Variants in MTDH observed in about 807,000 individuals in gnomAD.
MTDH encodes the protein protein LYRIC.
MTDH carries 34 observed loss-of-function variants against 72.7 expected under a neutral mutation model. The observed-to-expected ratio is 0.47, with a 90% CI of 0.36 to 0.62. The LOEUF (loss-of-function observed/expected upper bound fraction) is 0.62, where lower values mean the gene tolerates loss of function less well. Ranked by LOEUF, MTDH falls within the 20% of genes least tolerant of loss-of-function variation. MTDH has a pLI of 0.00. For synonymous variants in MTDH, 266 were observed against 268.9 expected, an observed-to-expected ratio of 0.99 and a Z score of 0.10; for missense variants, 677 against 699.4, an observed-to-expected ratio of 0.97 and a Z score of 0.36.
chr8:97,697,043 T>G (rs1441490591), intron 6 of MTDH, among the ~76,000 whole-genome samples: 1 of 146,836 alleles, frequency 6.8e-6, no homozygotes, highest in Non-Finnish European at 1.5e-5. Context: ...TCCAGGAGGT[T>G]GAAGCTACAA....
At chr8:97,683,616 A>G (rs1000197953) in intron 2 of MTDH, among the ~76,000 whole-genome samples, 10 of 148,804 alleles carry the variant, frequency 6.7e-5, no homozygotes, top group African/African-American at 2.5e-4. Flanking sequence ...CTGGTCTCAT[A>G]CTCCTGAGCT....
intron 7 of MTDH, among the ~76,000 whole-genome samples, chr8:97,701,167 A>G (rs766373778): frequency 1.3e-5 from 2 of 152,154 alleles, no homozygotes; most frequent in Non-Finnish European, 2.9e-5. Context: ...TGAGGCTTTA[A>G]TGAGATAATG....
intron 1 of MTDH, among the ~76,000 whole-genome samples, chr8:97,653,117 CA>C (rs1563520550): frequency 8.7e-6 from 1 of 114,660 alleles, no homozygotes; most frequent in Non-Finnish European, 1.8e-5. Flanking sequence ...GACTCTGTCT[CA>C]AAAAAAGAAA....
chr8:97,716,090 T>C (rs2131073383), intron 9 of MTDH, among the ~76,000 whole-genome samples: 1 of 152,308 alleles, frequency 6.6e-6, no homozygotes. Context: ...ATATATCCTA[T>C]TAATAAAAGG....
chr8:97,655,855 G>C (rs1314329955), intron 1 of MTDH, among the ~76,000 whole-genome samples: 1 of 152,200 alleles, frequency 6.6e-6, no homozygotes, highest in Non-Finnish European at 1.5e-5. Flanking sequence ...GCTTTCACAT[G>C]CTCTGTCACT....
At chr8:97,690,875 A>C in intron 5 of MTDH, 77 bp from the exon 6 acceptor site, 1 of 999,370 alleles carries the variant, frequency 1.0e-6, no homozygotes, top group Non-Finnish European at 1.5e-6. Flanking sequence ...AAGTCAAGCA[A>C]TCATAGAAAT....
chr8:97,674,381 ACACT>A (rs1445218687), intron 2 of MTDH, among the ~76,000 whole-genome samples: 1 of 152,250 alleles, frequency 6.6e-6, no homozygotes, highest in African/African-American at 2.4e-5. Flanking sequence ...GACAGTTTTC[ACACT>A]CTCATCCTGA....
intron 7 of MTDH, among the ~76,000 whole-genome samples, chr8:97,704,837 A>G (rs193039782): frequency 2.0e-5 from 3 of 152,312 alleles, no homozygotes; most frequent in African/African-American, 4.8e-5. Context: ...GTTCACCTGG[A>G]AAAATAAGAC....
intron 2 of MTDH, among the ~76,000 whole-genome samples, chr8:97,667,523 T>C (rs1397037359): frequency 3.3e-5 from 5 of 152,216 alleles, no homozygotes; most frequent in African/African-American, 1.2e-4. Context: ...TAGCCACTTA[T>C]TCATATTACT....
intron 2 of MTDH, among the ~76,000 whole-genome samples, chr8:97,677,894 A>G (rs970277352): frequency 1.6e-4 from 25 of 152,310 alleles, no homozygotes; most frequent in East Asian, 1.3e-3. Context: ...AGGGTTTCTT[A>G]TTTAAATAGA....
Position 97,691,030 on chromosome 8 carries a change from T to A in MTDH, c.890T>A (p.Ile297Asn), listed in dbSNP as rs1026951826. ...AAGTCTGTAAAACTCTCCTCACAGA[T>A]CAGTGCAGGTGAGGAGAAGTGGAAC... is the stretch of plus-strand genomic sequence containing the variant. ...NEKSVKLSSQ[I>N]SAGEEKWNSV... The change falls in exon 6 of 12, where the codon ATC (isoleucine) becomes AAC (asparagine). Residue 297 changes from isoleucine to asparagine, a missense_variant. This residue lies in a region of MTDH where 467 missense variants were observed against 469.1 expected (regional missense o/e 1.00). Transcript: ENST00000336273. 1.9e-6 allele frequency: 3 copies of A among 1,613,988 alleles called. No individual in the cohort carries two copies. In the African/African-American group the frequency reaches 4.0e-5, roughly 22 times the overall value.
intron 2 of MTDH, among the ~76,000 whole-genome samples, chr8:97,670,242 G>A (rs940276361): frequency 1.3e-4 from 20 of 152,304 alleles, no homozygotes; most frequent in Middle Eastern, 3.4e-3. Flanking sequence ...CTTGAACTCC[G>A]GAGGCGGAGC....
intron 11 of MTDH, 74 bp downstream of exon 11, chr8:97,723,109 C>G: frequency 6.7e-7 from 1 of 1,485,012 alleles, no homozygotes; most frequent in Non-Finnish European, 9.1e-7. Context: ...TCTTAAAAGT[C>G]TAATGGAGGC....
intron 9 of MTDH, among the ~76,000 whole-genome samples, chr8:97,714,286 A>G (rs1814761872): frequency 6.6e-6 from 1 of 152,134 alleles, no homozygotes; most frequent in Non-Finnish European, 1.5e-5. Context: ...GTCTGGGGGA[A>G]AAAAAGTAAA....
At chr8:97,670,952 G>GTTTTTTTT (rs1160758851) in intron 2 of MTDH, among the ~76,000 whole-genome samples, 16 of 77,992 alleles carry the variant, frequency 2.1e-4, no homozygotes, top group Non-Finnish European at 2.3e-4. Flanking sequence ...TGTTGTTGTT[G>GTTTTTTTT]TTTTTTTTTT....
intron 8 of MTDH, among the ~76,000 whole-genome samples, chr8:97,710,272 C>T (rs747205120): frequency 6.6e-6 from 1 of 152,082 alleles, no homozygotes; most frequent in African/African-American, 2.4e-5. Context: ...AGAGAAATAG[C>T]GGTTACTAGA....
At chr8:97,710,870 C>T (rs1335988411) in intron 8 of MTDH, among the ~76,000 whole-genome samples, 1 of 151,626 alleles carries the variant, frequency 6.6e-6, no homozygotes, top group African/African-American at 2.4e-5. Flanking sequence ...CATGGTGGTG[C>T]ACACCTATAA....
chr8:97,669,435 A>T (rs377104261), intron 2 of MTDH, among the ~76,000 whole-genome samples: 5 of 152,102 alleles, frequency 3.3e-5, no homozygotes, highest in African/African-American at 1.2e-4. Flanking sequence ...GGCATGAGCC[A>T]CTGCGCCTGG....
At chr8:97,675,944 T>C (rs61143610) in intron 2 of MTDH, among the ~76,000 whole-genome samples, 2 of 103,778 alleles carry the variant, frequency 1.9e-5, no homozygotes, top group South Asian at 3.5e-4. Context: ...AATAGGTTTT[T>C]TTTTTTTTTT....
Sources: gnomAD v4.1 joint callset for allele counts (sites outside exome capture counted in the v4.1 genomes callset) on GRCh38, gnomAD v4.1.1 for gene constraint, gnomAD v4.1.1 regional missense constraint, MANE v1.5 for transcripts, NCBI Gene and HGNC (gene_info 2026-07-23, HGNC 2026-07-21) for gene names.